The following KIAA1958 variants were observed in gnomAD, a reference collection of about 807,000 sequenced individuals.
The protein encoded by KIAA1958 is uncharacterized protein KIAA1958.
KIAA1958 carries 14 observed loss-of-function variants against 47.2 expected under a neutral mutation model. The ratio of observed to expected loss-of-function variants is 0.30; its 90% CI spans 0.20 to 0.46. The LOEUF (loss-of-function observed/expected upper bound fraction) is 0.46, where lower values mean the gene tolerates loss of function less well. Among genes scored for constraint, KIAA1958 ranks in the 20% least tolerant of loss-of-function variants. The probability of loss-of-function intolerance (pLI) is 1.00; values close to 1 mark genes in which losing one functional copy is unlikely to be tolerated. For synonymous variants in KIAA1958, 354 were observed against 353.3 expected (o/e 1.00, Z -0.02); for missense variants, 803 against 909.2 (o/e 0.88, Z 1.50).
chr9:112,647,826 T>C (rs1045189576), intron 3 of KIAA1958, among the ~76,000 whole-genome samples: 5 of 152,146 alleles, frequency 3.3e-5, no homozygotes, highest in Non-Finnish European at 5.9e-5. Flanking sequence ...TGAACTGCAA[T>C]GAAGGGAGGG....
intron 1 of KIAA1958, among the ~76,000 whole-genome samples, chr9:112,551,397 C>G (rs991013627): frequency 9.2e-5 from 14 of 152,290 alleles, no homozygotes; most frequent in Admixed American, 2.0e-4. Flanking sequence ...GCTTCTTGCA[C>G]TTAGTATAAT....
chr9:112,607,187 T>G (rs1405582950), intron 2 of KIAA1958, among the ~76,000 whole-genome samples: 1 of 151,848 alleles, frequency 6.6e-6, no homozygotes, highest in East Asian at 1.9e-4. Context: ...CGAAACCCCA[T>G]CTCTACTAAA....
At position 112,669,060 on chromosome 9, in the gene KIAA1958, G is replaced by A. The variant is rs543044090; in HGVS notation, c.*8991G>A. On this transcript the variant is annotated 3_prime_UTR_variant, in exon 4 of 4. Transcript: ENST00000337530. The stretch of plus-strand genomic sequence containing the variant: ...CATCATTCTGAACGATGTAGGAAGC[G>A]GTCAGTAACGTGAATGATGTTATTG... 2.0e-5 allele frequency: 3 copies of A among 152,256 alleles called. No individual in the cohort carries two copies. Among genetic ancestry groups the A allele is most frequent in the African/African-American group, 7.2e-5 (3 of 41,548 alleles). 9.4% of individuals were successfully genotyped at this position (152,256 alleles called of 1,614,324 possible). A position where few individuals can be genotyped will look rare whatever the true frequency, so the allele number is the denominator to read the frequency against.
intron 1 of KIAA1958, among the ~76,000 whole-genome samples, chr9:112,513,237 TCA>T (rs1358066457): frequency 7.9e-6 from 1 of 127,356 alleles, no homozygotes; most frequent in Non-Finnish European, 1.6e-5. Flanking sequence ...ACTCCTGACC[TCA>T]GGTGATCCAC....
rs898606059 is a variant in KIAA1958, at chr9:112,661,834, T to C, written c.*1765T>C. The C allele has an allele frequency of 5.3e-5, 8 of 152,238 alleles. No homozygotes were observed. Among genetic ancestry groups the C allele is most frequent in the African/African-American group, 1.9e-4 (8 of 41,452 alleles). The allele number at this position is 152,238 out of a possible 1,614,324, so 9.4% of individuals were successfully genotyped here. On this transcript the variant is annotated 3_prime_UTR_variant, in exon 4 of 4. Transcript: ENST00000337530. ...AACGTTCTGGTGTGGTTTCCTGTAG[T>C]GATCTTAGGGTTTTGATTTAAAAGA...
chr9:112,539,093 G>A (rs1407179979), intron 1 of KIAA1958, among the ~76,000 whole-genome samples: 1 of 152,190 alleles, frequency 6.6e-6, no homozygotes. Context: ...TACATCACTA[G>A]TAGAAGTTTA....
chr9:112,561,187 TG>T (rs1282224596), intron 1 of KIAA1958, among the ~76,000 whole-genome samples: 1 of 151,878 alleles, frequency 6.6e-6, no homozygotes, highest in Non-Finnish European at 1.5e-5. Context: ...CCCGAGTAGC[TG>T]GGACTACAGG....
At chr9:112,642,721 T>C (rs1306257031) in intron 2 of KIAA1958, among the ~76,000 whole-genome samples, 1 of 152,240 alleles carries the variant, frequency 6.6e-6, no homozygotes, top group East Asian at 1.9e-4. Flanking sequence ...AGTTACTACC[T>C]TTGTTTGTTT....
chr9:112,515,322 C>G (rs1232945784), intron 1 of KIAA1958, among the ~76,000 whole-genome samples: 1 of 142,272 alleles, frequency 7.0e-6, no homozygotes, highest in African/African-American at 2.5e-5. Flanking sequence ...CGCCTCTGCC[C>G]GGCCGCCCCT....
intron 2 of KIAA1958, among the ~76,000 whole-genome samples, chr9:112,591,533 A>G (rs1010714942): frequency 7.2e-5 from 11 of 152,098 alleles, no homozygotes; most frequent in Non-Finnish European, 1.6e-4. Flanking sequence ...TTTTAATTCA[A>G]TATTTGATAA....
At chr9:112,535,314 A>G (rs1013481870) in intron 1 of KIAA1958, among the ~76,000 whole-genome samples, 10 of 152,118 alleles carry the variant, frequency 6.6e-5, no homozygotes, top group Non-Finnish European at 1.3e-4. Flanking sequence ...TTTAGATTCC[A>G]CATGTAAGTG....
chr9:112,527,982 C>A (rs920185567), intron 1 of KIAA1958, among the ~76,000 whole-genome samples: 5 of 151,632 alleles, frequency 3.3e-5, no homozygotes, highest in East Asian at 3.9e-4. Context: ...AAGGCCTGGC[C>A]ATTCAATACT....
At chr9:112,520,559 C>G (rs1834522045) in intron 1 of KIAA1958, among the ~76,000 whole-genome samples, 3 of 152,020 alleles carry the variant, frequency 2.0e-5, no homozygotes, top group Admixed American at 2.0e-4. Flanking sequence ...AGCAGAAGCA[C>G]TGATTGAAAA....
At chr9:112,498,715 T>C (rs1310529925) in intron 1 of KIAA1958, among the ~76,000 whole-genome samples, 1 of 152,186 alleles carries the variant, frequency 6.6e-6, no homozygotes, top group Non-Finnish European at 1.5e-5. Flanking sequence ...AATGATCAAA[T>C]CAGGGTAATT....
At chr9:112,598,899 TAAC>T (rs1836080980) in intron 2 of KIAA1958, among the ~76,000 whole-genome samples, 1 of 152,018 alleles carries the variant, frequency 6.6e-6, no homozygotes, top group East Asian at 1.9e-4. Context: ...CTGGATAACA[TAAC>T]AAGACCCCAT....
intron 1 of KIAA1958, among the ~76,000 whole-genome samples, chr9:112,521,525 C>T (rs1004763241): frequency 2.0e-5 from 3 of 152,014 alleles, no homozygotes; most frequent in East Asian, 3.8e-4. Flanking sequence ...TCTGAATAGT[C>T]TATATTAATT....
chr9:112,588,944 T>C (rs904571118), intron 2 of KIAA1958, among the ~76,000 whole-genome samples: 4 of 150,920 alleles, frequency 2.7e-5, no homozygotes, highest in African/African-American at 9.8e-5. Flanking sequence ...TCCTCTAATA[T>C]GACTAAAAAA....
At chr9:112,651,599 T>C (rs1383559178) in intron 3 of KIAA1958, among the ~76,000 whole-genome samples, 1 of 152,056 alleles carries the variant, frequency 6.6e-6, no homozygotes, top group African/African-American at 2.4e-5. Context: ...TTTCGCCATG[T>C]TGGCCAGGTT....
At chr9:112,516,373 TTAAC>T (rs879766176) in intron 1 of KIAA1958, among the ~76,000 whole-genome samples, 4 of 152,080 alleles carry the variant, frequency 2.6e-5, no homozygotes, top group Non-Finnish European at 4.4e-5. Context: ...ATCAAAAACA[TTAAC>T]TATTTAGCGA....
Sources: allele counts gnomAD v4.1 joint callset (sites outside exome capture counted in the v4.1 genomes callset), GRCh38; gene constraint gnomAD v4.1.1; transcripts MANE v1.5; gene names NCBI Gene and HGNC (gene_info 2026-07-23, HGNC 2026-07-21).